Variants in NUBPL observed in about 807,000 individuals in gnomAD.
NUBPL encodes the protein NUBP iron-sulfur cluster assembly factor, mitochondrial.
In NUBPL, 31 loss-of-function variants were observed where a neutral mutation model predicts 45.7. The ratio of observed to expected loss-of-function variants is 0.68; its 90% CI spans 0.51 to 0.92. The LOEUF is 0.92. Ranked by LOEUF, NUBPL falls within the 40% of genes least tolerant of loss-of-function variation. The pLI is 0.00. For synonymous variants in NUBPL, 144 were observed against 140.9 expected (o/e 1.02, Z -0.15); for missense variants, 401 against 398.7 (o/e 1.01, Z -0.05).
intron 6 of NUBPL, among the ~76,000 whole-genome samples, chr14:31,722,399 C>T (rs1247064274): frequency 1.3e-5 from 2 of 152,116 alleles, no homozygotes; most frequent in Non-Finnish European, 2.9e-5. Context: ...TTGTAATGAA[C>T]ACATGTGTGC....
At chr14:31,726,024 T>C (rs28532719) in intron 6 of NUBPL, among the ~76,000 whole-genome samples, 24,503 of 152,086 alleles carry the variant, frequency 0.16, 5,607 homozygotes, top group African/African-American at 0.51. Context: ...TTCAGATTTT[T>C]GAATTAAAGA....
intron 6 of NUBPL, 29 bp downstream of exon 6, chr14:31,673,603 A>G (rs1267183867): frequency 6.4e-7 from 1 of 1,568,328 alleles, no homozygotes; most frequent in South Asian, 1.1e-5. Context: ...ATATCATTTT[A>G]TCATTGGCAA....
At chr14:31,790,010 G>A (rs950657280) in intron 7 of NUBPL, among the ~76,000 whole-genome samples, 11 of 150,076 alleles carry the variant, frequency 7.3e-5, no homozygotes, top group East Asian at 2.0e-4. Flanking sequence ...AAAAAAATGT[G>A]CTTCTGATAC....
intron 4 of NUBPL, among the ~76,000 whole-genome samples, chr14:31,630,877 T>C (rs553501244): frequency 1.3e-5 from 2 of 152,294 alleles, no homozygotes; most frequent in South Asian, 2.1e-4. Flanking sequence ...TTCCCCACCA[T>C]TGGGTAATTT....
At chr14:31,623,374 T>C (rs1033255022) in intron 4 of NUBPL, among the ~76,000 whole-genome samples, 18 of 152,332 alleles carry the variant, frequency 1.2e-4, no homozygotes, top group African/African-American at 4.1e-4. Context: ...GTTAAGACTT[T>C]GGGGGACTGT....
chr14:31,632,089 G>A (rs1004184821), intron 4 of NUBPL, among the ~76,000 whole-genome samples: 17 of 152,066 alleles, frequency 1.1e-4, no homozygotes, highest in Middle Eastern at 3.2e-3. Flanking sequence ...TCATTTTGAC[G>A]GTTGTTTCCT....
chr14:31,601,196 C>G (rs1311782964), intron 4 of NUBPL, among the ~76,000 whole-genome samples: 11 of 152,244 alleles, frequency 7.2e-5, no homozygotes, highest in Admixed American at 1.3e-4. Context: ...GTGATGCCTC[C>G]AGCTTTGTTC....
chr14:31,822,738 A>T (rs2040038522), intron 7 of NUBPL, among the ~76,000 whole-genome samples: 1 of 152,160 alleles, frequency 6.6e-6, no homozygotes, highest in South Asian at 2.1e-4. Context: ...TTCTATAAAT[A>T]TAGTTCCATG....
intron 6 of NUBPL, among the ~76,000 whole-genome samples, chr14:31,674,547 C>A (rs747744853): frequency 2.0e-5 from 3 of 152,098 alleles, no homozygotes; most frequent in Non-Finnish European, 4.4e-5. Flanking sequence ...CATTTAAAAT[C>A]CCCAAACCAC....
At chr14:31,795,049 C>T (rs1419515742) in intron 7 of NUBPL, among the ~76,000 whole-genome samples, 8 of 148,588 alleles carry the variant, frequency 5.4e-5, no homozygotes, top group African/African-American at 1.5e-4. Flanking sequence ...TGTAGATATG[C>T]GGCATTATTT....
intron 4 of NUBPL, among the ~76,000 whole-genome samples, chr14:31,663,863 A>G (rs1023040573): frequency 3.9e-5 from 6 of 152,210 alleles, no homozygotes; most frequent in Admixed American, 2.0e-4. Flanking sequence ...GAATGTTCCT[A>G]TCCATGAACA....
intron 7 of NUBPL, among the ~76,000 whole-genome samples, chr14:31,791,079 G>C (rs1037839719): frequency 6.6e-6 from 1 of 150,898 alleles, no homozygotes; most frequent in African/African-American, 2.4e-5. Flanking sequence ...GACCATCCTG[G>C]GCAATATAGT....
chr14:31,715,419 C>G (rs1229526809), intron 6 of NUBPL, among the ~76,000 whole-genome samples: 1 of 152,128 alleles, frequency 6.6e-6, no homozygotes, highest in Non-Finnish European at 1.5e-5. Context: ...TGTCATTGTG[C>G]GAACATCATA....
intron 4 of NUBPL, among the ~76,000 whole-genome samples, chr14:31,635,374 A>G (rs1196326540): frequency 1.3e-5 from 2 of 151,992 alleles, no homozygotes; most frequent in Non-Finnish European, 2.9e-5. Flanking sequence ...TATTTTTCTC[A>G]GGTTTGTCAA....
At chr14:31,797,618 C>T (rs2039488199) in intron 7 of NUBPL, among the ~76,000 whole-genome samples, 2 of 80,820 alleles carry the variant, frequency 2.5e-5, no homozygotes, top group South Asian at 1.1e-3. Flanking sequence ...TATTTTGAGC[C>T]TATGTGTGTC....
chr14:31,785,483 A>G (rs768583452), intron 6 of NUBPL, among the ~76,000 whole-genome samples: 18 of 152,180 alleles, frequency 1.2e-4, no homozygotes, highest in Non-Finnish European at 2.6e-4. Flanking sequence ...GTGAAAATCT[A>G]ATGATAAATG....
chr14:31,825,499 C>T (rs1434818906), intron 7 of NUBPL, among the ~76,000 whole-genome samples: 1 of 150,684 alleles, frequency 6.6e-6, no homozygotes, highest in African/African-American at 2.4e-5. Context: ...TTCTTCTCCT[C>T]CCCCTTGTTC....
intron 6 of NUBPL, among the ~76,000 whole-genome samples, chr14:31,706,047 G>A (rs1355334622): frequency 1.3e-5 from 2 of 152,202 alleles, no homozygotes; most frequent in Non-Finnish European, 2.9e-5. Context: ...GGCCCCCATA[G>A]CGCATCGGCA....
intron 10 of NUBPL, among the ~76,000 whole-genome samples, chr14:31,852,796 C>T (rs3993): frequency 0.26 from 39,874 of 152,092 alleles, 7,918 homozygotes; most frequent in African/African-American, 0.56. Context: ...GGATCAGAAT[C>T]CTCCAGTTAG....
Sources: allele counts gnomAD v4.1 joint callset (sites outside exome capture counted in the v4.1 genomes callset), GRCh38; gene constraint gnomAD v4.1.1; transcripts MANE v1.5; gene names NCBI Gene and HGNC (gene_info 2026-07-23, HGNC 2026-07-21).